CACNG1: variants seen among roughly 807,000 people sequenced by gnomAD.
The protein encoded by CACNG1 is voltage-dependent calcium channel gamma-1 subunit.
In CACNG1, 21 loss-of-function variants were observed where a neutral mutation model predicts 22.0. The observed-to-expected ratio is 0.95, with a 90% CI of 0.68 to 1.37. CACNG1 has a LOEUF of 1.37. CACNG1 is among the 40% of genes most tolerant of loss of function. The pLI is 0.00. For synonymous variants in CACNG1, 127 were observed against 129.2 expected, an observed-to-expected ratio of 0.98 and a Z score of 0.12; for missense variants, 291 against 308.6, an observed-to-expected ratio of 0.94 and a Z score of 0.43.
chr17:67,051,551 AGCTGAG>A (rs1189032757), intron 1 of CACNG1, among the ~76,000 whole-genome samples: 2 of 152,192 alleles, frequency 1.3e-5, no homozygotes, highest in Admixed American at 6.5e-5. Context: ...GTAAGAGTGA[AGCTGAG>A]GCTTCCTGTT....
In CACNG1 at chr17:67,044,693, G is replaced by C; in HGVS notation, c.33G>C (p.Val11=). 6.2e-7 allele frequency: 1 copy of C among 1,609,788 alleles called. No individual in the cohort carries two copies. Among genetic ancestry groups the C allele is most frequent in the African/African-American group, 1.3e-5 (1 of 75,064 alleles). MSQTKMLKVR[V]TLFCILAGIV... The stretch of plus-strand genomic sequence containing the variant: ...AGACCAAAATGCTGAAGGTCCGCGT[G>C]ACCCTCTTCTGCATCCTGGCAGGCA... The change falls in exon 1 of 4, where the codon GTG becomes GTC. Residue 11 remains valine (V), a synonymous_variant. Coordinates refer to ENST00000226021, the MANE Select transcript of CACNG1 (RefSeq NM_000727.4). The surrounding 1 kb of genome is among the most constrained non-coding windows in gnomAD (Gnocchi z 6.9).
At position 67,054,615 on chromosome 17, in the gene CACNG1, TGACACACACA is replaced by T. The variant is rs1478205155; in HGVS notation, c.305-477_305-468del. Among the ~76,000 whole-genome samples, 2 of 151,324 alleles carry T rather than the reference TGACACACACA, an allele frequency of 1.3e-5. No homozygotes were observed. Among genetic ancestry groups the T allele is most frequent in the South Asian group, 4.2e-4 (2 of 4,758 alleles). On this transcript the variant is annotated intron_variant, in intron 2 of 3. Coordinates refer to ENST00000226021, the MANE Select transcript of CACNG1 (RefSeq NM_000727.4). The surrounding 1 kb of genome is among the most constrained non-coding windows in gnomAD (Gnocchi z 4.6). Reference sequence around the variant, plus strand: ...AGTGGGCAGACACACAGACACACACTGACACACACAGACACACACAACACAGATACACACA... The same window carrying T: ...AGTGGGCAGACACACAGACACACACTGACACACACAACACAGATACACACA...
At chr17:67,050,484 C>A (rs545833993) in intron 1 of CACNG1, among the ~76,000 whole-genome samples, 28 of 152,348 alleles carry the variant, frequency 1.8e-4, no homozygotes, top group Middle Eastern at 3.4e-3. Context: ...GACATCAATG[C>A]AAGTTAGAGG....
intron 1 of CACNG1, among the ~76,000 whole-genome samples, chr17:67,046,132 C>A (rs1184765601): frequency 6.6e-6 from 1 of 152,162 alleles, no homozygotes; most frequent in East Asian, 1.9e-4. Flanking sequence ...CTCAAATGAC[C>A]ATCCAGGGAG....
At position 67,055,301 on chromosome 17, in the gene CACNG1, G is replaced by A. The variant is rs896340966; in HGVS notation, c.442+61G>A. On this transcript the variant is annotated intron_variant, in intron 3 of 3. Coordinates refer to ENST00000226021, the MANE Select transcript of CACNG1 (RefSeq NM_000727.4). This position sits in a 1 kb window ranked among gnomAD's most constrained non-coding sequence, Gnocchi z 4.5. ...GGGACCATGTCGCGGGGGATTCTCC[G>A]CTCCACCCTCATGCCCACCGCGAGA... 1.1e-5 allele frequency: 17 copies of A among 1,558,094 alleles called. No individual in the cohort carries two copies. The highest frequency in any genetic ancestry group is 1.9e-4 in the Middle Eastern group (1 of 5,302).
chr17:67,052,627 C>T (rs967422255), intron 1 of CACNG1, among the ~76,000 whole-genome samples: 1 of 152,058 alleles, frequency 6.6e-6, no homozygotes, highest in Non-Finnish European at 1.5e-5. Flanking sequence ...GGTCACTGAT[C>T]CACAGGAAAA....
rs2035758819 is a variant in CACNG1, at chr17:67,055,992, G to A, written c.443-53G>A. ...ATGCACACAGGCTGGGATGGGGCTG[G>A]TGGCTACGGCAGACGCCCCTCGGTC... On this transcript the variant is annotated intron_variant, in intron 3 of 3. Coordinates refer to ENST00000226021, the MANE Select transcript of CACNG1 (RefSeq NM_000727.4). The surrounding 1 kb of genome is among the most constrained non-coding windows in gnomAD (Gnocchi z 4.5). 4.8e-6 allele frequency: 7 copies of A among 1,464,508 alleles called. No individual in the cohort carries two copies. Among genetic ancestry groups the A allele is most frequent in the Non-Finnish European group, 6.6e-6 (7 of 1,059,718 alleles). 90.7% of individuals were successfully genotyped at this position (1,464,508 alleles called of 1,614,324 possible).
chr17:67,049,551 T>G (rs896179856), intron 1 of CACNG1, among the ~76,000 whole-genome samples: 1 of 152,032 alleles, frequency 6.6e-6, no homozygotes, highest in African/African-American at 2.4e-5. Flanking sequence ...ATTCTACAGG[T>G]GGTTCCTATT....
intron 1 of CACNG1, among the ~76,000 whole-genome samples, chr17:67,046,707 C>T (rs2035699449): frequency 6.6e-6 from 1 of 152,208 alleles, no homozygotes; most frequent in Non-Finnish European, 1.5e-5. Context: ...TCAGGGACCA[C>T]ACATGGGGAC....
At position 67,056,040 on chromosome 17, in the gene CACNG1, C is replaced by T; in HGVS notation, c.443-5C>T. 1 of 1,607,854 alleles carries T rather than the reference C, an allele frequency of 6.2e-7. No individual in the cohort carries two copies. Among genetic ancestry groups the T allele is most frequent in the South Asian group, 1.1e-5 (1 of 91,032 alleles). On this transcript the variant is annotated splice_polypyrimidine_tract_variant and splice_region_variant and intron_variant, in intron 3 of 3. Transcript: ENST00000226021. The surrounding 1 kb of genome is among the most constrained non-coding windows in gnomAD (Gnocchi z 4.3). Reference sequence around the variant, plus strand: ...GTCCCTGAGCATGCCTGGCTCTGCCCCCAGGTCTCTGCATCCTCGTCTCGG... The same window carrying T: ...GTCCCTGAGCATGCCTGGCTCTGCCTCCAGGTCTCTGCATCCTCGTCTCGG...
rs564024296 is a variant in CACNG1 at position 67,054,702 on chromosome 17, T to C, written c.305-401T>C. 6.3e-3 allele frequency among the ~76,000 whole-genome samples: 728 copies of C among 114,872 alleles called. 4 individuals are homozygous for C. Among genetic ancestry groups the C allele is most frequent in the Admixed American group, 7.3e-3 (75 of 10,216 alleles). 75.4% of individuals were successfully genotyped at this position (114,872 alleles called of 152,430 possible). ...CAGAGACACTGACACACACGCATGA[T>C]GACACACAAAATGACACACAGTGAC... On this transcript the variant is annotated intron_variant, in intron 2 of 3. Coordinates refer to ENST00000226021, the MANE Select transcript of CACNG1 (RefSeq NM_000727.4). This position sits in a 1 kb window ranked among gnomAD's most constrained non-coding sequence, Gnocchi z 4.6.
chr17:67,055,692 AATTTTTCATTGT>A lies in CACNG1; in HGVS notation c.443-347_443-336del, dbSNP rs1424004604. ...CAGACGTGCACCACCACACCTGGCT[AATTTTTCATTGT>A]ATTTTAATTTTTTGTAGAGACGGAG... On this transcript the variant is annotated intron_variant, in intron 3 of 3. Transcript: ENST00000226021. The surrounding 1 kb of genome is among the most constrained non-coding windows in gnomAD (Gnocchi z 4.5). Among the ~76,000 whole-genome samples the A allele has an allele frequency of 2.6e-5, 4 of 151,958 alleles. No individual in the cohort carries two copies. The highest frequency in any genetic ancestry group is 9.7e-5 in the African/African-American group (4 of 41,360).
At chr17:67,047,275 G>C (rs80148501) in intron 1 of CACNG1, among the ~76,000 whole-genome samples, 1 of 152,142 alleles carries the variant, frequency 6.6e-6, no homozygotes, top group African/African-American at 2.4e-5. Flanking sequence ...TAATGAGAAG[G>C]CTGGCAGAAA....
rs1658993594 is a variant in CACNG1, at chr17:67,055,232, C to A, written c.434C>A (p.Ala145Asp). Residue 145 changes from alanine (A) to aspartate (D), a missense_variant, in exon 3 of 4, where the codon GCC (alanine) becomes GAC (aspartate). Physicochemically the swap from Ala to Asp is moderately radical, Grantham distance 126. Transcript: ENST00000226021. This position sits in a 1 kb window ranked among gnomAD's most constrained non-coding sequence, Gnocchi z 4.5. ...CTGCGACCCGCGTCCATGTTCTATG[C>A]CTTTGCAGGTAGACTGGGGGATCTG... ...YLLRPASMFY[A>D]FAGLCILVSV... 1 of 1,612,842 alleles carries A rather than the reference C, an allele frequency of 6.2e-7. No homozygotes were observed. Among genetic ancestry groups the A allele is most frequent in the African/African-American group, 1.3e-5 (1 of 74,910 alleles).
At position 67,044,624 on chromosome 17, in the gene CACNG1, G is replaced by A. The variant is rs139967780; in HGVS notation, c.-37G>A. The A allele has an allele frequency of 8.2e-4, 1,196 of 1,456,912 alleles. 11 individuals carry two copies. In the South Asian group the frequency reaches 8.6e-3, roughly 10 times the overall value. 90.2% of individuals were successfully genotyped at this position (1,456,912 alleles called of 1,614,324 possible). On this transcript the variant is annotated 5_prime_UTR_variant, in exon 1 of 4. Transcript: ENST00000226021. The surrounding 1 kb of genome is among the most constrained non-coding windows in gnomAD (Gnocchi z 6.9). ...ACCTGCCCTAGGAGACGCAGCCGCC[G>A]GACCCTGCCCAGGGCACCCACGCCT...
At chr17:67,048,897 TA>T (rs1387197304) in intron 1 of CACNG1, among the ~76,000 whole-genome samples, 1 of 151,812 alleles carries the variant, frequency 6.6e-6, no homozygotes, top group Non-Finnish European at 1.5e-5. Flanking sequence ...ATAAAAAGAA[TA>T]AAGAAAAATG....
At chr17:67,053,248 C>T (rs1474102092) in intron 1 of CACNG1, among the ~76,000 whole-genome samples, 2 of 152,190 alleles carry the variant, frequency 1.3e-5, no homozygotes, top group Non-Finnish European at 2.9e-5. Context: ...TCCAGGCCAT[C>T]CCAATGGCCA....
In CACNG1 at chr17:67,055,015, A is replaced by G. The variant is rs569934149; in HGVS notation, c.305-88A>G. The stretch of plus-strand genomic sequence containing the variant: ...ATGACACACACAGACACTGACACAC[A>G]CACTGTGGTGCATGGTGTGGTCCCT... On this transcript the variant is annotated intron_variant, in intron 2 of 3. Transcript: ENST00000226021. This position sits in a 1 kb window ranked among gnomAD's most constrained non-coding sequence, Gnocchi z 4.5. 12 of 1,370,560 alleles carry G rather than the reference A, an allele frequency of 8.8e-6. No homozygotes were observed. The South Asian group carries it at 1.5e-4, about 17-fold the overall frequency. The allele number at this position is 1,370,560 out of a possible 1,614,324, so 84.9% of individuals were successfully genotyped here. A position where few individuals can be genotyped will look rare whatever the true frequency, so the allele number is the denominator to read the frequency against.
rs1001250993 is a variant in CACNG1, at chr17:67,056,350, C to T, written c.*79C>T. On this transcript the variant is annotated 3_prime_UTR_variant, in exon 4 of 4. Coordinates refer to ENST00000226021, the MANE Select transcript of CACNG1 (RefSeq NM_000727.4). The surrounding 1 kb of genome is among the most constrained non-coding windows in gnomAD (Gnocchi z 4.3). The stretch of plus-strand genomic sequence containing the variant: ...GGCCTGGAACCTTCCAGAGAGGAGG[C>T]GGGAGCAATTTTAGCCCCACCCTGC... The T allele has an allele frequency of 1.6e-5, 21 of 1,349,826 alleles. No homozygotes were observed. Among genetic ancestry groups the T allele is most frequent in the East Asian group, 4.6e-5 (2 of 43,454 alleles). 83.6% of individuals were successfully genotyped at this position (1,349,826 alleles called of 1,614,324 possible). A position where few individuals can be genotyped will look rare whatever the true frequency, so the allele number is the denominator to read the frequency against.
Sources: allele counts gnomAD v4.1 joint callset (sites outside exome capture counted in the v4.1 genomes callset), GRCh38; gene constraint gnomAD v4.1.1; non-coding constraint Gnocchi (gnomAD v3.1); transcripts MANE v1.5; gene names NCBI Gene and HGNC (gene_info 2026-07-23, HGNC 2026-07-21).